BRCA1: variants seen among roughly 807,000 people sequenced by gnomAD.
BRCA1 encodes the protein BRCA1 DNA repair associated, also known as breast cancer type 1 susceptibility protein.
BRCA1 carries 140 observed loss-of-function variants against 173.7 expected under a neutral mutation model. That is an observed-to-expected ratio of 0.81 (90% CI 0.70 to 0.93). The LOEUF is 0.93. Ranked by LOEUF, BRCA1 falls within the 40% of genes least tolerant of loss-of-function variation. The pLI is 0.00. For missense variants in BRCA1, 1,983 were observed against 2,172.5 expected (o/e 0.91, Z 1.73); for synonymous variants, 662 against 756.0 (o/e 0.88, Z 2.04).
chr17:43,121,683 CAAA>C (rs71160013), intron 2 of BRCA1, among the ~76,000 whole-genome samples: 1 of 32,898 alleles, frequency 3.0e-5, no homozygotes, highest in Non-Finnish European at 5.1e-5. Context: ...AAGTCTGTCT[CAAA>C]AAAAAAAAAA....
At chr17:43,100,331 C>T (rs984372606) in intron 6 of BRCA1, among the ~76,000 whole-genome samples, 6 of 150,398 alleles carry the variant, frequency 4.0e-5, no homozygotes, top group African/African-American at 1.5e-4. Flanking sequence ...CCAATCACAT[C>T]TGATAACTTT....
At chr17:43,127,956 G>A (rs1182956389), upstream of BRCA1, among the ~76,000 whole-genome samples, 8 of 150,042 alleles carry the variant, frequency 5.3e-5, no homozygotes, top group Admixed American at 4.0e-4. Context: ...CCCGGGAGGC[G>A]GAGCTTGCAG....
chr17:43,156,813 G>A (rs1169341089), intron 1 of BRCA1, among the ~76,000 whole-genome samples: 1 of 152,150 alleles, frequency 6.6e-6, no homozygotes, highest in South Asian at 2.1e-4. Flanking sequence ...AACATAAACT[G>A]TGAACAGATG....
At chr17:43,119,260 A>C (rs1466017522) in intron 2 of BRCA1, 1 of 200,010 alleles carries the variant, frequency 5.0e-6, no homozygotes, top group Non-Finnish European at 9.7e-6. Flanking sequence ...GTGACAGAGA[A>C]TCCATCTCAA....
At chr17:43,057,421 G>T (rs2051548284) in intron 18 of BRCA1, among the ~76,000 whole-genome samples, 1 of 152,046 alleles carries the variant, frequency 6.6e-6, no homozygotes, top group African/African-American at 2.4e-5. Flanking sequence ...TGAGGCAGGA[G>T]AATCTTTTGA....
intron 2 of BRCA1, among the ~76,000 whole-genome samples, chr17:43,117,542 C>T (rs989479247): frequency 4.6e-5 from 7 of 152,140 alleles, no homozygotes; most frequent in African/African-American, 1.7e-4. Flanking sequence ...ATTTCGAGAC[C>T]AGCCTGGCCA....
rs587782026 is a variant in BRCA1 at position 43,045,800 on chromosome 17, T to C, written c.5470A>G (p.Ile1824Val). Reference sequence around the variant, plus strand: ...ACAGGTGCCTCACACATCTGCCCAATTGCTGGAGACAGAGAACACAAGCAG... The same window carrying C: ...ACAGGTGCCTCACACATCTGCCCAACTGCTGGAGACAGAGAACACAAGCAG... Reference protein sequence around the residue: ...AWTEDNGFHAIGQMCEAPVVT... With the variant: ...AWTEDNGFHAVGQMCEAPVVT... The change falls in exon 23 of 23, where the codon ATT (isoleucine) becomes GTT (valine). Residue 1824 changes from isoleucine to valine, a missense_variant and splice_region_variant. Transcript: ENST00000357654. The C allele has an allele frequency of 1.2e-6, 2 of 1,614,120 alleles. No individual in the cohort carries two copies. The highest frequency in any genetic ancestry group is 3.3e-5 in the Admixed American group (2 of 60,008).
At chr17:43,072,505 T>C (rs1432406861) in intron 14 of BRCA1, among the ~76,000 whole-genome samples, 1 of 151,684 alleles carries the variant, frequency 6.6e-6, no homozygotes, top group Non-Finnish European at 1.5e-5. Context: ...TGGACTCAAG[T>C]GATCTTCCTG....
intron 1 of BRCA1, among the ~76,000 whole-genome samples, chr17:43,150,826 A>G (rs1374008904): frequency 6.6e-6 from 1 of 152,194 alleles, no homozygotes; most frequent in Admixed American, 6.5e-5. Flanking sequence ...CAGGGTGACC[A>G]AGTTCTCCTA....
intron 1 of BRCA1, chr17:43,131,233 G>A (rs1242207095): frequency 5.6e-6 from 2 of 355,646 alleles, no homozygotes; most frequent in Non-Finnish European, 1.2e-5. Flanking sequence ...GATCTGAATA[G>A]TATTAAAATA....
intron 1 of BRCA1, chr17:43,164,278 C>T (rs1166268114): frequency 6.6e-6 from 1 of 152,194 alleles, no homozygotes; most frequent in African/African-American, 2.4e-5. Context: ...GGACCAACTA[C>T]GGCATAAAAA....
chr17:43,051,592 G>A (rs965463202), intron 19 of BRCA1, among the ~76,000 whole-genome samples: 3 of 152,010 alleles, frequency 2.0e-5, no homozygotes, highest in Non-Finnish European at 4.4e-5. Context: ...CATCAACAGA[G>A]GGGTCTATGT....
Position 43,141,761 on chromosome 17 carries a change from G to A in BRCA1, c.-19-17646C>T, listed in dbSNP as rs1265416554. On this transcript the variant is annotated intron_variant, in intron 1 of 7. Coordinates refer to the BRCA1 transcript ENST00000634433. Reference sequence around the variant, plus strand: ...TGGGAGGCGGAGCTTGCAGTGAGCCGAGATCGCACCACTGCACTCCAACCT... The same window carrying A: ...TGGGAGGCGGAGCTTGCAGTGAGCCAAGATCGCACCACTGCACTCCAACCT... Among the ~76,000 whole-genome samples the A allele has an allele frequency of 1.5e-4, 22 of 148,008 alleles. No homozygotes were observed. In the South Asian group the frequency reaches 3.5e-3, roughly 23 times the overall value.
chr17:43,075,601 C>T (rs980393078), intron 13 of BRCA1, among the ~76,000 whole-genome samples: 8 of 151,510 alleles, frequency 5.3e-5, no homozygotes, highest in African/African-American at 2.4e-5. Flanking sequence ...CTTGCTCTGT[C>T]GCCCAGGCTG....
At chr17:43,070,182 C>G (rs1346876310) in intron 15 of BRCA1, among the ~76,000 whole-genome samples, 1 of 152,084 alleles carries the variant, frequency 6.6e-6, no homozygotes, top group Non-Finnish European at 1.5e-5. Context: ...ATCTGACCAC[C>G]TCAGCCTCCC....
chr17:43,049,137 G>T lies in BRCA1; in HGVS notation c.5390C>A (p.Ser1797Ter), dbSNP rs879255492. The T allele has an allele frequency of 6.2e-7, 1 of 1,614,016 alleles. No homozygotes were observed. The highest frequency in any genetic ancestry group is 1.1e-5 in the South Asian group (1 of 91,082). The change falls in exon 21 of 23, where the codon TCA becomes TAA. Residue 1797 changes from serine to a stop codon, truncating the protein, a stop_gained. Transcript: ENST00000357654. LOFTEE classifies it high-confidence loss of function. ...CGASVVKELS[S>*]FTLGTGVHPI... ...AATACTTACTGTGCCAAGGGTGAAT[G>T]ATGAAAGCTCCTTCACCACAGAAGC... is the stretch of plus-strand genomic sequence containing the variant.
chr17:43,104,301 G>A (rs868177769), intron 5 of BRCA1, 40 bp from the exon 6 acceptor site: 2 of 1,590,098 alleles, frequency 1.3e-6, no homozygotes, highest in Non-Finnish European at 1.7e-6. Flanking sequence ...TGCAGTTAGA[G>A]AAAAATGTAT....
At chr17:43,122,374 T>C (rs1351951466) in intron 2 of BRCA1, among the ~76,000 whole-genome samples, 3 of 152,234 alleles carry the variant, frequency 2.0e-5, no homozygotes, top group Non-Finnish European at 2.9e-5. Context: ...GAGTGGCAAC[T>C]AGGTCCCAAG....
chr17:43,160,124 C>G (rs1264541108), intron 1 of BRCA1: 1 of 151,496 alleles, frequency 6.6e-6, no homozygotes, highest in Non-Finnish European at 1.5e-5. Flanking sequence ...TCACTGCAAG[C>G]TCTGCCTCCC....
Sources: allele counts gnomAD v4.1 joint callset (sites outside exome capture counted in the v4.1 genomes callset), GRCh38; gene constraint gnomAD v4.1.1; transcripts MANE v1.5; gene names NCBI Gene and HGNC (gene_info 2026-07-23, HGNC 2026-07-21).